Variants in LRP12 observed in about 807,000 individuals in gnomAD.
LRP12 encodes the protein LDL receptor related protein 12, also known as low-density lipoprotein receptor-related protein 12.
Under a neutral mutation model 66.0 loss-of-function variants are expected in LRP12, and 14 were observed. The ratio of observed to expected loss-of-function variants is 0.21; its 90% confidence interval spans 0.14 to 0.33. The LOEUF is 0.33. Among genes scored for constraint, LRP12 ranks in the 10% least tolerant of loss-of-function variants. The pLI, the probability that LRP12 is intolerant of heterozygous loss-of-function variation, is 1.00. For synonymous variants in LRP12, 357 were observed against 359.1 expected, an observed-to-expected ratio of 0.99 and a Z score of 0.07; for missense variants, 889 against 1,053.4, an observed-to-expected ratio of 0.84 and a Z score of 2.16.
At chr8:104,587,993 C>G in intron 1 of LRP12, among the ~76,000 whole-genome samples, 1 of 152,208 alleles carries the variant, frequency 6.6e-6, no homozygotes, top group Non-Finnish European at 1.5e-5. Context: ...TAATTCCATT[C>G]AGCTCTTGCT....
intron 1 of LRP12, among the ~76,000 whole-genome samples, chr8:104,533,371 GT>G (rs1189944510): frequency 1.3e-5 from 2 of 152,000 alleles, no homozygotes; most frequent in Admixed American, 1.3e-4. Context: ...ACCTAAGAAG[GT>G]TTGCCAAAGG....
intron 1 of LRP12, among the ~76,000 whole-genome samples, chr8:104,562,139 G>C (rs537110580): frequency 3.3e-5 from 5 of 152,196 alleles, no homozygotes; most frequent in African/African-American, 1.2e-4. Context: ...TAATTCCACT[G>C]TGGCTCAGTT....
chr8:104,567,005 TA>T (rs11330469), intron 1 of LRP12, among the ~76,000 whole-genome samples: 4,665 of 147,308 alleles, frequency 0.032, 233 homozygotes, highest in African/African-American at 0.11. Context: ...TCATTTTATT[TA>T]AAAAAAAAAC....
At chr8:104,526,926 C>T (rs1811248648) in intron 2 of LRP12, among the ~76,000 whole-genome samples, 2 of 146,458 alleles carry the variant, frequency 1.4e-5, no homozygotes, top group Non-Finnish European at 3.0e-5. Flanking sequence ...TTTTCGCAAC[C>T]TACTCATCTG....
chr8:104,571,120 G>A (rs180865460), intron 1 of LRP12, among the ~76,000 whole-genome samples: 1 of 152,194 alleles, frequency 6.6e-6, no homozygotes, highest in African/African-American at 2.4e-5. Context: ...TAGTCAGAAT[G>A]CAAACTGATA....
intron 2 of LRP12, among the ~76,000 whole-genome samples, chr8:104,513,200 C>T (rs567454637): frequency 1.1e-4 from 17 of 152,280 alleles, no homozygotes; most frequent in Admixed American, 1.1e-3. Flanking sequence ...CAATTTTTAA[C>T]TCCCTTTTGG....
intron 1 of LRP12, among the ~76,000 whole-genome samples, chr8:104,560,639 C>T (rs569837568): frequency 4.3e-4 from 66 of 152,132 alleles, no homozygotes; most frequent in African/African-American, 1.6e-3. Flanking sequence ...ATCATTTTAC[C>T]TCCATATACT....
At chr8:104,542,620 C>G (rs1811495590) in intron 1 of LRP12, among the ~76,000 whole-genome samples, 1 of 152,066 alleles carries the variant, frequency 6.6e-6, no homozygotes, top group Non-Finnish European at 1.5e-5. Context: ...TCTGCACAGT[C>G]AAAAATCTGC....
chr8:104,587,611 C>A (rs1227875351), intron 1 of LRP12, among the ~76,000 whole-genome samples: 1 of 152,204 alleles, frequency 6.6e-6, no homozygotes, highest in Non-Finnish European at 1.5e-5. Context: ...CAATTACGTT[C>A]ATTAATTCTT....
Position 104,576,211 on chromosome 8 carries a change from A to G in LRP12, c.79+12608T>C, listed in dbSNP as rs182723679. 6.0e-3 allele frequency among the ~76,000 whole-genome samples: 916 copies of G among 152,358 alleles called. 9 individuals are homozygous for G. Among genetic ancestry groups the G allele is most frequent in the Admixed American group, 0.012 (191 of 15,308 alleles). On this transcript the variant is annotated intron_variant, in intron 1 of 6. Coordinates refer to ENST00000276654, the MANE Select transcript of LRP12 (RefSeq NM_013437.5). Reference sequence around the variant, plus strand: ...GTAAACATATTTCAGGATATCATCCATGAGAACTTCCCCAACCTAGCTAGA... The same window carrying G: ...GTAAACATATTTCAGGATATCATCCGTGAGAACTTCCCCAACCTAGCTAGA...
chr8:104,573,012 AAAT>A lies in LRP12; in HGVS notation c.79+15804_79+15806del, dbSNP rs1420600572. ...GATTCTTATTCTTACGTAGTAGAAA[AAAT>A]AATGTTAAGTTGAATCGTATACAAA... is the stretch of plus-strand genomic sequence containing the variant. On this transcript the variant is annotated intron_variant, in intron 1 of 6. Coordinates refer to ENST00000276654, the MANE Select transcript of LRP12 (RefSeq NM_013437.5). 7.9e-5 allele frequency among the ~76,000 whole-genome samples: 12 copies of A among 152,318 alleles called. No individual in the cohort carries two copies. The South Asian group carries it at 8.3e-4, about 11-fold the overall frequency.
intron 6 of LRP12, among the ~76,000 whole-genome samples, chr8:104,493,576 G>T (rs192462493): frequency 6.6e-6 from 1 of 152,210 alleles, no homozygotes; most frequent in Admixed American, 6.5e-5. Flanking sequence ...GGACCAGCCA[G>T]ATAGTAAAAC....
At chr8:104,565,566 A>G (rs1564146509) in intron 1 of LRP12, among the ~76,000 whole-genome samples, 1 of 151,622 alleles carries the variant, frequency 6.6e-6, no homozygotes, top group East Asian at 1.9e-4. Flanking sequence ...CCATAAAAAT[A>G]TATACAACCC....
At chr8:104,571,583 T>C (rs1812080935) in intron 1 of LRP12, among the ~76,000 whole-genome samples, 1 of 152,156 alleles carries the variant, frequency 6.6e-6, no homozygotes, top group East Asian at 1.9e-4. Flanking sequence ...CTTACTTCCC[T>C]TTCACCTTCC....
At position 104,517,550 on chromosome 8, in the gene LRP12, C is replaced by T. The variant is rs535296024; in HGVS notation, c.137-8476G>A. Reference sequence around the variant, plus strand: ...GAAACCAGTGAGGCAAAGAGATCACCTAAAAAGCAATTATAAAAACTCATC... The same window carrying T: ...GAAACCAGTGAGGCAAAGAGATCACTTAAAAAGCAATTATAAAAACTCATC... On this transcript the variant is annotated intron_variant, in intron 2 of 6. Coordinates refer to ENST00000276654, the MANE Select transcript of LRP12 (RefSeq NM_013437.5). Among the ~76,000 whole-genome samples, 6 of 152,058 alleles carry T rather than the reference C, an allele frequency of 3.9e-5. No homozygotes were observed. The South Asian group carries it at 1.2e-3, about 32-fold the overall frequency.
At chr8:104,521,911 T>C (rs947640761) in intron 2 of LRP12, among the ~76,000 whole-genome samples, 3 of 151,914 alleles carry the variant, frequency 2.0e-5, no homozygotes, top group East Asian at 3.8e-4. Context: ...TAAAATTACA[T>C]AGGAAAGGTG....
In LRP12 at chr8:104,517,539, A is replaced by G. The variant is rs767376282; in HGVS notation, c.137-8465T>C. On this transcript the variant is annotated intron_variant, in intron 2 of 6. Coordinates refer to ENST00000276654, the MANE Select transcript of LRP12 (RefSeq NM_013437.5). Reference sequence around the variant, plus strand: ...TTGAGGGAAGAGAAACCAGTGAGGCAAAGAGATCACCTAAAAAGCAATTAT... The same window carrying G: ...TTGAGGGAAGAGAAACCAGTGAGGCGAAGAGATCACCTAAAAAGCAATTAT... Among the ~76,000 whole-genome samples the G allele has an allele frequency of 3.3e-5, 5 of 152,064 alleles. No homozygotes were observed. In the East Asian group the frequency reaches 7.7e-4, roughly 23 times the overall value.
intron 6 of LRP12, among the ~76,000 whole-genome samples, chr8:104,494,025 A>G (rs1267634022): frequency 1.3e-5 from 2 of 152,124 alleles, no homozygotes; most frequent in Admixed American, 1.3e-4. Context: ...GAACTCCTTG[A>G]ATTTGCAATT....
At chr8:104,530,052 T>C (rs1427878382) in intron 2 of LRP12, among the ~76,000 whole-genome samples, 2 of 151,616 alleles carry the variant, frequency 1.3e-5, no homozygotes, top group Admixed American at 1.3e-4. Context: ...TATAAAACAA[T>C]GCTGTTCTTA....
Sources: gnomAD v4.1 joint callset for allele counts (sites outside exome capture counted in the v4.1 genomes callset) on GRCh38, gnomAD v4.1.1 for gene constraint, MANE v1.5 for transcripts, NCBI Gene and HGNC (gene_info 2026-07-23, HGNC 2026-07-21) for gene names.